Variants in HSPA4L observed in about 807,000 individuals in gnomAD.
HSPA4L encodes the protein heat shock protein family A (Hsp70) member 4 like.
A neutral mutation model predicts 100.3 loss-of-function variants in HSPA4L; 48 were observed. The ratio of observed to expected loss-of-function variants is 0.48; its 90% CI spans 0.38 to 0.61. The LOEUF (loss-of-function observed/expected upper bound fraction) is 0.61. Ranked by LOEUF, HSPA4L falls within the 20% of genes least tolerant of loss-of-function variation. HSPA4L has a pLI of 0.00. For missense variants in HSPA4L, 886 were observed against 988.6 expected (o/e 0.90, Z 1.39); for synonymous variants, 319 against 328.2 (o/e 0.97, Z 0.30).
intron 16 of HSPA4L, among the ~76,000 whole-genome samples, chr4:127,826,029 C>T (rs1733942321): frequency 6.6e-6 from 1 of 151,762 alleles, no homozygotes. Context: ...TCTTCTGCTT[C>T]AAATATGTAA....
chr4:127,809,675 T>C (rs1488645776), intron 11 of HSPA4L, among the ~76,000 whole-genome samples: 2 of 152,156 alleles, frequency 1.3e-5, no homozygotes, highest in Admixed American at 1.3e-4. Context: ...GTCCAAGGAA[T>C]TGATTATGTA....
At position 127,829,745 on chromosome 4, in the gene HSPA4L, A is replaced by C. The variant is rs554894473; in HGVS notation, c.2167-893A>C. ...ACTCAAAGTTGGATATAGAGTTGAG[A>C]GTTAAGGGAAGAGGTTCAGGCTAGA... On this transcript the variant is annotated intron_variant, in intron 17 of 18. Transcript: ENST00000296464. Among the ~76,000 whole-genome samples, 3 of 152,028 alleles carry C rather than the reference A, an allele frequency of 2.0e-5. No homozygotes were observed. In the South Asian group the frequency reaches 6.2e-4, roughly 31 times the overall value.
chr4:127,809,865 A>G (rs1161430687), intron 11 of HSPA4L, among the ~76,000 whole-genome samples: 1 of 152,198 alleles, frequency 6.6e-6, no homozygotes, highest in Non-Finnish European at 1.5e-5. Flanking sequence ...TAAAAAATGA[A>G]CCAATAAGCT....
Position 127,782,543 on chromosome 4 carries a change from G to T in HSPA4L, c.-8G>T. The T allele has an allele frequency of 6.2e-7, 1 of 1,612,338 alleles. No homozygotes were observed. Among genetic ancestry groups the T allele is most frequent in the South Asian group, 1.1e-5 (1 of 90,988 alleles). ...TCAGTACCAGCAGCCCGACCATCAC[G>T]CGGCGGGATGTCTGTGGTTGGCATT... On this transcript the variant is annotated 5_prime_UTR_variant, in exon 1 of 19. Transcript: ENST00000296464.
chr4:127,832,615 A>C, intron 18 of HSPA4L, 68 bp from the exon 19 acceptor site: 1 of 1,311,696 alleles, frequency 7.6e-7, no homozygotes, highest in Non-Finnish European at 1.0e-6. Context: ...GTTAATGTGG[A>C]ATTTAGAAAG....
rs1442509037 is a variant in HSPA4L, at chr4:127,820,919, C to G, written c.1812+354C>G. ...TGTGTTGTCCTTAAAGATTATATCTCTGTTCAAAATGTTTTCTGACATCCA... is the reference window on the plus strand; with the variant it reads ...TGTGTTGTCCTTAAAGATTATATCTGTGTTCAAAATGTTTTCTGACATCCA... On this transcript the variant is annotated intron_variant, in intron 14 of 18. Coordinates refer to ENST00000296464, the MANE Select transcript of HSPA4L (RefSeq NM_014278.4). 5.3e-5 allele frequency among the ~76,000 whole-genome samples: 8 copies of G among 152,224 alleles called. No individual in the cohort carries two copies. In the East Asian group the frequency reaches 1.5e-3, roughly 29 times the overall value.
chr4:127,818,366 T>C lies in HSPA4L; in HGVS notation c.1620T>C (p.Cys540=). The change falls in exon 13 of 19, where the codon TGT becomes TGC. Residue 540 remains cysteine, a synonymous_variant. Coordinates refer to ENST00000296464, the MANE Select transcript of HSPA4L (RefSeq NM_014278.4). ...ATCAAGAAGAAGGGCATCAAAAATG[T>C]CATGCTGAACACACTCCAGAAGAGG... ...QVDQEEGHQK[C]HAEHTPEEEI... The C allele has an allele frequency of 1.2e-6, 2 of 1,612,572 alleles. No individual in the cohort carries two copies. The highest frequency in any genetic ancestry group is 1.7e-6 in the Non-Finnish European group (2 of 1,179,076).
In HSPA4L at chr4:127,809,221, C is replaced by T. The variant is rs1733457037; in HGVS notation, c.1378+1092C>T. On this transcript the variant is annotated intron_variant, in intron 11 of 18. Coordinates refer to ENST00000296464, the MANE Select transcript of HSPA4L (RefSeq NM_014278.4). The stretch of plus-strand genomic sequence containing the variant: ...TTTTCAAAACAAGTTGCAATCTTGG[C>T]AGAACTGGACAAAGAGAAAAGAAGA... 11 of 1,360,574 alleles carry T rather than the reference C, an allele frequency of 8.1e-6. No homozygotes were observed. The South Asian group carries it at 8.1e-5, about 10-fold the overall frequency. The allele number at this position is 1,360,574 out of a possible 1,614,324, so 84.3% of individuals were successfully genotyped here.
rs1189675988 is a variant in HSPA4L at position 127,838,797 on chromosome 4, CT to C, written c.*5928del. ...TGTTATTTTTTATTATCCTTTAGAT[CT>C]TTTTGTTCATGGCTCTTTAAAAATA... is the stretch of plus-strand genomic sequence containing the variant. On this transcript the variant is annotated 3_prime_UTR_variant, in exon 19 of 19. Transcript: ENST00000296464. The C allele has an allele frequency of 3.3e-5, 5 of 152,106 alleles. No homozygotes were observed. Among genetic ancestry groups the C allele is most frequent in the Non-Finnish European group, 7.4e-5 (5 of 68,000 alleles). 9.4% of individuals were successfully genotyped at this position (152,106 alleles called of 1,614,324 possible).
chr4:127,811,729 C>A, intron 12 of HSPA4L, 93 bp downstream of exon 12: 2 of 907,026 alleles, frequency 2.2e-6, no homozygotes, highest in Non-Finnish European at 1.7e-6. Context: ...GAATACATTA[C>A]TCTCTGAGGT....
chr4:127,831,325 A>ACC (rs1239507928), intron 18 of HSPA4L, among the ~76,000 whole-genome samples: 2 of 151,952 alleles, frequency 1.3e-5, no homozygotes, highest in Non-Finnish European at 2.9e-5. Context: ...ACATGGTGAA[A>ACC]CCCCATCTCT....
chr4:127,832,856 A>C lies in HSPA4L; in HGVS notation c.2502A>C (p.Gly834=), dbSNP rs140109603. The C allele has an allele frequency of 3.1e-5, 50 of 1,605,086 alleles. No individual in the cohort carries two copies. The African/African-American group carries it at 6.2e-4, about 20-fold the overall frequency. ...GCTCACAGCATACTAAATCCTCTGG[A>C]GAGATGGAAGTGGACTAAGTCTTAA... ...KDSSQHTKSS[G]EMEVD Residue 834 remains glycine, a synonymous_variant, in exon 19 of 19, where the codon GGA becomes GGC. Transcript: ENST00000296464.
chr4:127,787,308 G>A (rs1732746624), intron 1 of HSPA4L, among the ~76,000 whole-genome samples: 1 of 152,150 alleles, frequency 6.6e-6, no homozygotes, highest in African/African-American at 2.4e-5. Flanking sequence ...AGTTTGGGAT[G>A]AAGAAGAGGC....
intron 12 of HSPA4L, among the ~76,000 whole-genome samples, chr4:127,813,757 C>T (rs1045887254): frequency 2.0e-5 from 3 of 152,158 alleles, no homozygotes; most frequent in African/African-American, 7.2e-5. Context: ...ATTCTCCTGC[C>T]TCAGACTCCC....
rs1734206152 is a variant in HSPA4L at position 127,836,203 on chromosome 4, T to TG, written c.*3329_*3330insG. On this transcript the variant is annotated 3_prime_UTR_variant, in exon 19 of 19. Coordinates refer to ENST00000296464, the MANE Select transcript of HSPA4L (RefSeq NM_014278.4). ...TAACACGGTGAAACCCCGTCTCTAC[T>TG]AAAAATACAAAAAATTAGCTGGGCA... The TG allele has an allele frequency of 6.6e-6, 1 of 152,588 alleles. No homozygotes were observed. Among genetic ancestry groups the TG allele is most frequent in the Admixed American group, 6.6e-5 (1 of 15,262 alleles). 9.5% of individuals were successfully genotyped at this position (152,588 alleles called of 1,614,324 possible). A position where few individuals can be genotyped will look rare whatever the true frequency, so the allele number is the denominator to read the frequency against.
chr4:127,824,571 G>T (rs1192283683), intron 16 of HSPA4L, among the ~76,000 whole-genome samples: 1 of 152,144 alleles, frequency 6.6e-6, no homozygotes, highest in Non-Finnish European at 1.5e-5. Flanking sequence ...TATATTACTG[G>T]CATGTCTTTA....
intron 1 of HSPA4L, among the ~76,000 whole-genome samples, chr4:127,791,468 C>T (rs1053101973): frequency 1.3e-5 from 2 of 152,210 alleles, no homozygotes; most frequent in Non-Finnish European, 2.9e-5. Flanking sequence ...GTTTATTTTG[C>T]ACTTTATATA....
chr4:127,796,204 A>G (rs1733017721), intron 3 of HSPA4L, among the ~76,000 whole-genome samples: 2 of 152,150 alleles, frequency 1.3e-5, no homozygotes, highest in South Asian at 2.1e-4. Flanking sequence ...CCCAAAAAGT[A>G]TGTTAATTCA....
intron 17 of HSPA4L, among the ~76,000 whole-genome samples, chr4:127,828,827 T>C (rs1734010790): frequency 6.6e-6 from 1 of 152,114 alleles, no homozygotes; most frequent in Admixed American, 6.5e-5. Flanking sequence ...AGTGTCACAG[T>C]GCTCCCCAGG....
Sources: gnomAD v4.1 joint callset for allele counts (sites outside exome capture counted in the v4.1 genomes callset) on GRCh38, gnomAD v4.1.1 for gene constraint, MANE v1.5 for transcripts, NCBI Gene and HGNC (gene_info 2026-07-23, HGNC 2026-07-21) for gene names.